The following ATG4B variants were observed in gnomAD, a reference collection of about 807,000 sequenced individuals.
ATG4B encodes autophagy related 4B cysteine peptidase.
In ATG4B, 29 loss-of-function variants were observed where a neutral mutation model predicts 56.6. That is an observed-to-expected ratio of 0.51 (90% CI 0.38 to 0.70). The LOEUF (loss-of-function observed/expected upper bound fraction) is 0.70. Among genes scored for constraint, ATG4B ranks in the 30% least tolerant of loss-of-function variants. The pLI is 0.00. For missense variants in ATG4B, 461 were observed against 515.5 expected, an observed-to-expected ratio of 0.89 and a Z score of 1.02; for synonymous variants, 224 against 206.1, an observed-to-expected ratio of 1.09 and a Z score of -0.74.
rs144008006 is a variant in ATG4B, at chr2:241,645,627, G to A, written c.11-5383G>A. Reference sequence around the variant, plus strand: ...GAAGGTCACTAGCCTGTAAGGTTGCGTGACTGCTCAGTGGTGGGCTCAGAC... The same window carrying A: ...GAAGGTCACTAGCCTGTAAGGTTGCATGACTGCTCAGTGGTGGGCTCAGAC... On this transcript the variant is annotated intron_variant, in intron 1 of 12. Transcript: ENST00000404914. 4.4e-3 allele frequency among the ~76,000 whole-genome samples: 663 copies of A among 152,306 alleles called. 2 individuals carry two copies. Among genetic ancestry groups the A allele is most frequent in the Admixed American group, 7.8e-3 (119 of 15,298 alleles).
chr2:241,640,095 G>T (rs1213960616), intron 1 of ATG4B, among the ~76,000 whole-genome samples: 1 of 152,214 alleles, frequency 6.6e-6, no homozygotes, highest in African/African-American at 2.4e-5. Context: ...ACACGGTTCA[G>T]TGTCGATCAT....
At chr2:241,641,604 G>C (rs1327083878) in intron 1 of ATG4B, among the ~76,000 whole-genome samples, 5 of 152,164 alleles carry the variant, frequency 3.3e-5, no homozygotes, top group Non-Finnish European at 1.5e-5. Flanking sequence ...GGTCCTGTCT[G>C]GTGGGAAGCT....
rs35875880 is a variant in ATG4B at position 241,647,622 on chromosome 2, C to CA, written c.11-3367dup. Reference sequence around the variant, plus strand: ...TGGGCGACAGAGTGAGACTCCGTCTCAAAAAAAAAAAAAAAAAAAAAGAAA... The same window carrying CA: ...TGGGCGACAGAGTGAGACTCCGTCTCAAAAAAAAAAAAAAAAAAAAAAGAAA... On this transcript the variant is annotated intron_variant, in intron 1 of 12. Transcript: ENST00000404914. 1.3e-3 allele frequency among the ~76,000 whole-genome samples: 157 copies of CA among 117,490 alleles called. 2 individuals are homozygous for CA. The highest frequency in any genetic ancestry group is 2.3e-3 in the South Asian group (9 of 3,832). 77.1% of individuals were successfully genotyped at this position (117,490 alleles called of 152,430 possible).
chr2:241,655,167 G>C (rs1221972114), intron 5 of ATG4B, 104 bp from the exon 6 acceptor site: 1 of 1,166,266 alleles, frequency 8.6e-7, no homozygotes, highest in Non-Finnish European at 1.2e-6. Context: ...GCTGGGTCGG[G>C]TGCTGTCCAG....
At chr2:241,656,967 CCT>C (rs2068422868) in intron 6 of ATG4B, among the ~76,000 whole-genome samples, 1 of 151,006 alleles carries the variant, frequency 6.6e-6, no homozygotes, top group African/African-American at 2.4e-5. Context: ...GGCCAGGACT[CCT>C]CTCTTTTTTC....
At chr2:241,669,299 G>A (rs35768031) in intron 10 of ATG4B, among the ~76,000 whole-genome samples, 29,968 of 152,128 alleles carry the variant, frequency 0.2, 3,290 homozygotes, top group East Asian at 0.27. Context: ...GAATGACGGT[G>A]ACATGCTCAG....
Position 241,659,187 on chromosome 2 carries a change from A to G in ATG4B, c.538A>G (p.Arg180Gly), listed in dbSNP as rs1429232159. Reference sequence around the variant, plus strand: ...CAACACTGTTGTGATGGAGGAAATCAGTAAGTGGCTCAGAGTTTCCATGGA... The same window carrying G: ...CAACACTGTTGTGATGGAGGAAATCGGTAAGTGGCTCAGAGTTTCCATGGA... The part of the protein sequence containing the change: ...MDNTVVMEEI[R>G]RLCRTSVPCA... The change falls in exon 7 of 13, where the codon AGA becomes GGA. Residue 180 changes from arginine to glycine, a missense_variant and splice_region_variant. Arg to Gly is a moderately radical substitution (Grantham distance 125, BLOSUM62 -2). Coordinates refer to ENST00000404914, the MANE Select transcript of ATG4B (RefSeq NM_013325.5). The G allele has an allele frequency of 1.2e-6, 2 of 1,613,222 alleles. No individual in the cohort carries two copies. The highest frequency in any genetic ancestry group is 3.3e-5 in the Admixed American group (2 of 59,970).
intron 10 of ATG4B, among the ~76,000 whole-genome samples, chr2:241,670,008 A>G (rs976955036): frequency 6.6e-6 from 1 of 152,124 alleles, no homozygotes; most frequent in African/African-American, 2.4e-5. Flanking sequence ...CTGGTGGGAT[A>G]ACTGTCCTCA....
chr2:241,654,419 TAAAAAAAAAAAAAA>T (rs201525288), intron 4 of ATG4B, 113 bp from the exon 5 acceptor site: 4 of 437,958 alleles, frequency 9.1e-6, no homozygotes, highest in Non-Finnish European at 1.6e-5. Context: ...AGACTCTGTT[TAAAAAAAAAAAAAA>T]AAAAAAAAAG....
At chr2:241,659,086 G>A (rs2068507731) in intron 6 of ATG4B, 22 bp from the exon 7 acceptor site, 1 of 1,568,288 alleles carries the variant, frequency 6.4e-7, no homozygotes, top group African/African-American at 1.4e-5. Flanking sequence ...AAAGCTTATG[G>A]TCATTCTCCT....
chr2:241,658,828 A>G (rs1477900659), intron 6 of ATG4B, among the ~76,000 whole-genome samples: 1 of 152,188 alleles, frequency 6.6e-6, no homozygotes, highest in Non-Finnish European at 1.5e-5. Flanking sequence ...TGCCAGTGAG[A>G]CCAGAAAACC....
rs764084162 is a variant in ATG4B, at chr2:241,668,512, C to T, written c.812-28C>T. On this transcript the variant is annotated intron_variant, in intron 9 of 12. Transcript: ENST00000404914. This position sits in a 1 kb window ranked among gnomAD's most constrained non-coding sequence, Gnocchi z 4.2. ...CCTTTCCTCTGCCGGCTCGGCCACC[C>T]ACCTGCCCACCTGCCTCATCCTCCC... is the stretch of plus-strand genomic sequence containing the variant. The T allele has an allele frequency of 2.5e-6, 4 of 1,600,898 alleles. No individual in the cohort carries two copies. The highest frequency in any genetic ancestry group is 3.4e-6 in the Non-Finnish European group (4 of 1,177,408).
At chr2:241,666,446 CTA>C in intron 7 of ATG4B, 197 bp from the exon 8 acceptor site, 1 of 618,350 alleles carries the variant, frequency 1.6e-6, no homozygotes, top group Non-Finnish European at 2.9e-6. Context: ...TGCATAGAAA[CTA>C]TTTCTTTTTT....
At chr2:241,658,447 C>T (rs1482699667) in intron 6 of ATG4B, among the ~76,000 whole-genome samples, 1 of 151,998 alleles carries the variant, frequency 6.6e-6, no homozygotes, top group Admixed American at 6.5e-5. Context: ...TGCATTCTGT[C>T]CCCGGGAGCA....
intron 1 of ATG4B, among the ~76,000 whole-genome samples, chr2:241,649,662 C>T (rs2068169566): frequency 6.6e-6 from 1 of 152,246 alleles, no homozygotes; most frequent in South Asian, 2.1e-4. Context: ...TTGCTGCTGG[C>T]TGGCGCCTTC....
At chr2:241,664,784 C>G (rs763043829) in intron 7 of ATG4B, among the ~76,000 whole-genome samples, 1 of 152,004 alleles carries the variant, frequency 6.6e-6, no homozygotes, top group Non-Finnish European at 1.5e-5. Flanking sequence ...GCCAATGTGG[C>G]AAAACCCCGT....
chr2:241,667,309 A>G (rs1374019215), intron 8 of ATG4B, among the ~76,000 whole-genome samples: 1 of 152,134 alleles, frequency 6.6e-6, no homozygotes, highest in African/African-American at 2.4e-5. Context: ...CCCCCATGTC[A>G]TGAAAGCAAA....
At chr2:241,657,625 C>G (rs935098942) in intron 6 of ATG4B, among the ~76,000 whole-genome samples, 12 of 152,126 alleles carry the variant, frequency 7.9e-5, no homozygotes, top group African/African-American at 2.9e-4. Context: ...TTTCAGTGGG[C>G]CCATTCAAAA....
At chr2:241,657,669 A>ACTG in intron 6 of ATG4B, among the ~76,000 whole-genome samples, 1 of 152,262 alleles carries the variant, frequency 6.6e-6, no homozygotes, top group Admixed American at 6.5e-5. Context: ...GGGCCCATTC[A>ACTG]AAATATGTCC....
Sources: allele counts gnomAD v4.1 joint callset (sites outside exome capture counted in the v4.1 genomes callset), GRCh38; gene constraint gnomAD v4.1.1; non-coding constraint Gnocchi (gnomAD v3.1); transcripts MANE v1.5; gene names NCBI Gene and HGNC (gene_info 2026-07-23, HGNC 2026-07-21).